The following COLEC10 variants were observed in gnomAD, a reference collection of about 807,000 sequenced individuals.
COLEC10 encodes the protein collectin subfamily member 10, also known as collectin-10.
In COLEC10, 22 loss-of-function variants were observed where a neutral mutation model predicts 28.4. That is an observed-to-expected ratio of 0.78 (90% confidence interval 0.55 to 1.11). The LOEUF (loss-of-function observed/expected upper bound fraction) is 1.11, where lower values mean the gene tolerates loss of function less well. Ranked by LOEUF, COLEC10 falls within the 50% of genes least tolerant of loss-of-function variation. COLEC10 has a pLI of 0.00. For missense variants in COLEC10, 361 were observed against 344.1 expected (o/e 1.05, Z -0.39); for synonymous variants, 125 against 116.1 (o/e 1.08, Z -0.49).
chr8:119,045,017 C>T (rs1814563305), intron 2 of COLEC10, among the ~76,000 whole-genome samples: 1 of 152,120 alleles, frequency 6.6e-6, no homozygotes, highest in African/African-American at 2.4e-5. Flanking sequence ...TTTAGACTCC[C>T]ATGTTCTTAT....
Position 119,067,363 on chromosome 8 carries a change from C to G in COLEC10, c.82C>G (p.Leu28Val). 1 of 1,614,064 alleles carries G rather than the reference C, an allele frequency of 6.2e-7. No individual in the cohort carries two copies. Among genetic ancestry groups the G allele is most frequent in the Non-Finnish European group, 8.5e-7 (1 of 1,179,960 alleles). The change falls in exon 1 of 6, where the codon CTG (leucine) becomes GTG (valine). Residue 28 changes from leucine to valine, a missense_variant. Physicochemically the swap from Leu to Val is conservative, Grantham distance 32. This residue lies in a region of COLEC10 where 335 missense variants were observed against 308.5 expected (regional missense o/e 1.09). Coordinates refer to ENST00000332843, the MANE Select transcript of COLEC10 (RefSeq NM_006438.5). Reference protein sequence around the residue: ...LFLLQIQSLGLDIDSRPTAEV... With the variant: ...LFLLQIQSLGVDIDSRPTAEV... ...TCTTTTGCAAATTCAGAGTCTGGGT[C>G]TGGATATTGATAGCCGTCCTACCGC...
chr8:119,034,802 C>A (rs1814357807), intron 2 of COLEC10, among the ~76,000 whole-genome samples: 1 of 152,198 alleles, frequency 6.6e-6, no homozygotes. Context: ...CTGACACTTA[C>A]TAGCTGTGTG....
the COLEC10 span, among the ~76,000 whole-genome samples, chr8:118,975,773 C>T: frequency 6.6e-6 from 1 of 151,942 alleles, no homozygotes; most frequent in Non-Finnish European, 1.5e-5. Context: ...GTGAACGTTC[C>T]AACCCTGAAG....
chr8:119,083,713 A>G (rs1277109389), intron 1 of COLEC10, among the ~76,000 whole-genome samples: 2 of 152,186 alleles, frequency 1.3e-5, no homozygotes, highest in Non-Finnish European at 2.9e-5. Flanking sequence ...TTAGTATAAG[A>G]TTTAATGTAA....
At chr8:118,962,404 A>T in the COLEC10 span, among the ~76,000 whole-genome samples, 1 of 152,210 alleles carries the variant, frequency 6.6e-6, no homozygotes, top group Non-Finnish European at 1.5e-5. Flanking sequence ...CTTTACCTGA[A>T]AGGTCATTTA....
chr8:119,049,025 T>C (rs1587018970), intron 2 of COLEC10, among the ~76,000 whole-genome samples: 1 of 152,200 alleles, frequency 6.6e-6, no homozygotes. Context: ...ATAAGGCTGG[T>C]CTTGTTGAAA....
chr8:119,041,947 A>C (rs781109583), intron 2 of COLEC10, among the ~76,000 whole-genome samples: 3 of 152,028 alleles, frequency 2.0e-5, no homozygotes, highest in Non-Finnish European at 2.9e-5. Context: ...CTGGCCAGAT[A>C]TAGATTGGGA....
chr8:119,072,787 G>C (rs1355995338), intron 1 of COLEC10, among the ~76,000 whole-genome samples: 1 of 152,202 alleles, frequency 6.6e-6, no homozygotes, highest in Non-Finnish European at 1.5e-5. Flanking sequence ...ACTCTGATGA[G>C]AGAGGCTATG....
the COLEC10 span, among the ~76,000 whole-genome samples, chr8:118,987,734 T>A: frequency 6.6e-6 from 1 of 152,154 alleles, no homozygotes; most frequent in Admixed American, 6.6e-5. Flanking sequence ...GATGTAGACA[T>A]TCCTGGACTT....
At chr8:119,055,108 G>A (rs936440847) in intron 2 of COLEC10, among the ~76,000 whole-genome samples, 4 of 151,938 alleles carry the variant, frequency 2.6e-5, no homozygotes, top group East Asian at 3.9e-4. Context: ...CTCCATAAAA[G>A]CAGAAAACAT....
intron 1 of COLEC10, among the ~76,000 whole-genome samples, chr8:119,081,730 T>C (rs1415400335): frequency 6.6e-6 from 1 of 152,178 alleles, no homozygotes; most frequent in African/African-American, 2.4e-5. Context: ...GAAAATAATA[T>C]GGGAAAGTTC....
intron 1 of COLEC10, among the ~76,000 whole-genome samples, chr8:119,000,621 G>A (rs956782886): frequency 1.3e-5 from 2 of 152,114 alleles, no homozygotes; most frequent in African/African-American, 4.8e-5. Flanking sequence ...ATGTGAGAGG[G>A]TGATGAATAT....
the COLEC10 span, among the ~76,000 whole-genome samples, chr8:118,963,959 CAGAA>C: frequency 6.6e-6 from 1 of 152,050 alleles, no homozygotes; most frequent in Admixed American, 6.6e-5. Flanking sequence ...GTTGAACAAA[CAGAA>C]AGACAAATGA....
intron 3 of COLEC10, among the ~76,000 whole-genome samples, chr8:119,099,113 G>T (rs1399878370): frequency 6.6e-6 from 1 of 151,942 alleles, no homozygotes; most frequent in African/African-American, 2.4e-5. Flanking sequence ...ATCCATTTAC[G>T]CTGAAAGCAT....
the COLEC10 span, among the ~76,000 whole-genome samples, chr8:118,978,188 C>A: frequency 3.3e-5 from 5 of 152,038 alleles, no homozygotes; most frequent in Non-Finnish European, 5.9e-5. Context: ...TTTTTAACTT[C>A]TGATTTCATA....
intron 2 of COLEC10, among the ~76,000 whole-genome samples, chr8:119,010,277 T>C (rs1430491594): frequency 6.6e-6 from 1 of 150,888 alleles, no homozygotes; most frequent in African/African-American, 2.5e-5. Context: ...TATGTAGCCT[T>C]TTCTGATGAG....
chr8:118,977,516 C>T, the COLEC10 span, among the ~76,000 whole-genome samples: 1,084 of 142,428 alleles, frequency 7.6e-3, 14 homozygotes, highest in African/African-American at 0.027. Context: ...AACCAAACAC[C>T]GCATATTCTC....
At chr8:119,054,566 CG>C (rs141256440) in intron 2 of COLEC10, among the ~76,000 whole-genome samples, 2,411 of 152,086 alleles carry the variant, frequency 0.016, 72 homozygotes, top group African/African-American at 0.055. Context: ...TTGAGCTCGG[CG>C]GTACAATACT....
upstream of COLEC10, chr8:119,067,215 G>A (rs1814983029): frequency 2.0e-6 from 3 of 1,520,424 alleles, no homozygotes; most frequent in East Asian, 2.3e-5. Flanking sequence ...CAAAGCAGGA[G>A]GTTTTATTTA....
Sources: allele counts gnomAD v4.1 joint callset (sites outside exome capture counted in the v4.1 genomes callset), GRCh38; gene constraint gnomAD v4.1.1; regional missense constraint gnomAD v4.1.1; transcripts MANE v1.5; gene names NCBI Gene and HGNC (gene_info 2026-07-23, HGNC 2026-07-21).